GTF2F2: variants seen among roughly 807,000 people sequenced by gnomAD.
The protein encoded by GTF2F2 is general transcription factor IIF subunit 2, also known as ATP-dependent helicase GTF2F2.
In GTF2F2, 23 loss-of-function variants were observed where a neutral mutation model predicts 42.2. That is an observed-to-expected ratio of 0.55 (90% CI 0.39 to 0.77). The LOEUF is 0.77. Among genes scored for constraint, GTF2F2 ranks in the 30% least tolerant of loss-of-function variants. The pLI, the probability that GTF2F2 is intolerant of heterozygous loss-of-function variation, is 0.00. For synonymous variants in GTF2F2, 105 were observed against 100.8 expected, an observed-to-expected ratio of 1.04 and a Z score of -0.25; for missense variants, 261 against 287.2, an observed-to-expected ratio of 0.91 and a Z score of 0.66.
chr13:45,181,863 C>T (rs559762974), intron 4 of GTF2F2, among the ~76,000 whole-genome samples: 32 of 152,170 alleles, frequency 2.1e-4, no homozygotes, highest in African/African-American at 6.8e-4. Context: ...AAAAAGCTAG[C>T]GGTAGCTTTT....
chr13:45,182,175 C>G (rs1352129766), intron 4 of GTF2F2, among the ~76,000 whole-genome samples: 1 of 152,062 alleles, frequency 6.6e-6, no homozygotes, highest in Non-Finnish European at 1.5e-5. Flanking sequence ...TTTGTTGAGA[C>G]AGTCTCGCTC....
chr13:45,162,375 C>T (rs1255516997), intron 4 of GTF2F2, among the ~76,000 whole-genome samples: 1 of 152,194 alleles, frequency 6.6e-6, no homozygotes, highest in Non-Finnish European at 1.5e-5. Context: ...CTTTGAGTAA[C>T]AGCCTTGCCA....
chr13:45,154,697 A>C (rs1206016941), intron 4 of GTF2F2, among the ~76,000 whole-genome samples: 1 of 152,200 alleles, frequency 6.6e-6, no homozygotes, highest in African/African-American at 2.4e-5. Context: ...TATAAATATG[A>C]ATACATTTAA....
chr13:45,281,787 A>G (rs939044407), intron 7 of GTF2F2, among the ~76,000 whole-genome samples: 1 of 152,256 alleles, frequency 6.6e-6, no homozygotes, highest in African/African-American at 2.4e-5. Flanking sequence ...AAGAAAAATT[A>G]CATCTTCCAT....
intron 4 of GTF2F2, among the ~76,000 whole-genome samples, chr13:45,172,159 C>A (rs147109882): frequency 3.3e-5 from 5 of 152,214 alleles, no homozygotes; most frequent in African/African-American, 7.2e-5. Flanking sequence ...TTCACCACAT[C>A]CCCACCAACA....
At chr13:45,160,541 T>A (rs1047008112) in intron 4 of GTF2F2, among the ~76,000 whole-genome samples, 2 of 152,216 alleles carry the variant, frequency 1.3e-5, no homozygotes, top group African/African-American at 4.8e-5. Flanking sequence ...ACATCCATCA[T>A]CTGGAGACTA....
intron 4 of GTF2F2, among the ~76,000 whole-genome samples, chr13:45,158,754 G>A (rs1870890154): frequency 6.6e-6 from 1 of 152,192 alleles, no homozygotes; most frequent in Non-Finnish European, 1.5e-5. Context: ...TATCTCCACG[G>A]TGCCTAGTAT....
chr13:45,212,444 C>CTTTCTTTCTTTTCTTTTCT (rs1232825230), intron 5 of GTF2F2, among the ~76,000 whole-genome samples: 2 of 72,570 alleles, frequency 2.8e-5, no homozygotes, highest in Non-Finnish European at 5.4e-5. Context: ...TTCTTTCTTT[C>CTTTCTTTCTTTTCTTTTCT]TTGTTTCTTT....
At chr13:45,258,785 A>G (rs545123844) in intron 6 of GTF2F2, among the ~76,000 whole-genome samples, 2 of 152,332 alleles carry the variant, frequency 1.3e-5, no homozygotes, top group African/African-American at 4.8e-5. Context: ...TTATAAATAC[A>G]GTAGTACGTT....
chr13:45,242,256 CT>C (rs71184405), intron 5 of GTF2F2, among the ~76,000 whole-genome samples: 1,557 of 105,686 alleles, frequency 0.015, 24 homozygotes, highest in African/African-American at 0.04. Flanking sequence ...GCTGGCACTT[CT>C]TTTTTTTTTT....
At chr13:45,206,667 G>C (rs1394695149) in intron 4 of GTF2F2, 1 of 152,180 alleles carries the variant, frequency 6.6e-6, no homozygotes, top group Admixed American at 6.5e-5. Context: ...GGTCTGTCAA[G>C]TGACCACACC....
chr13:45,159,170 A>G (rs1297765735), intron 4 of GTF2F2, among the ~76,000 whole-genome samples: 2 of 152,232 alleles, frequency 1.3e-5, no homozygotes, highest in Admixed American at 1.3e-4. Flanking sequence ...CACTGATGGT[A>G]GGTATTTACT....
chr13:45,280,314 CAG>C (rs2138279954), intron 7 of GTF2F2, among the ~76,000 whole-genome samples: 1 of 152,308 alleles, frequency 6.6e-6, no homozygotes, highest in East Asian at 1.9e-4. Flanking sequence ...ATATTTTAGA[CAG>C]AGGAAGGACA....
At chr13:45,207,587 G>A in intron 5 of GTF2F2, 82 bp downstream of exon 5, 2 of 817,780 alleles carry the variant, frequency 2.4e-6, no homozygotes, top group South Asian at 3.0e-5. Flanking sequence ...CCTATTGACT[G>A]CATTAAAACT....
intron 1 of GTF2F2, among the ~76,000 whole-genome samples, chr13:45,134,477 T>C (rs1869514778): frequency 6.6e-6 from 1 of 152,146 alleles, no homozygotes; most frequent in South Asian, 2.1e-4. Flanking sequence ...ATTTGAGCCC[T>C]TAATGAAGCC....
chr13:45,257,981 G>A (rs1876173253), intron 6 of GTF2F2, among the ~76,000 whole-genome samples: 1 of 152,088 alleles, frequency 6.6e-6, no homozygotes, highest in Non-Finnish European at 1.5e-5. Flanking sequence ...CAGAGAAACT[G>A]TCAATTAGAG....
chr13:45,248,464 T>C (rs925619573), intron 5 of GTF2F2, among the ~76,000 whole-genome samples: 4 of 151,948 alleles, frequency 2.6e-5, no homozygotes, highest in Admixed American at 6.6e-5. Flanking sequence ...GTGTGTTTTG[T>C]TTTTTTGGTT....
intron 5 of GTF2F2, among the ~76,000 whole-genome samples, chr13:45,241,425 T>C (rs1157702739): frequency 6.6e-6 from 1 of 152,146 alleles, no homozygotes; most frequent in Non-Finnish European, 1.5e-5. Flanking sequence ...CACCATCCAA[T>C]AGATTTTCTG....
chr13:45,193,907 C>A, intron 4 of GTF2F2: 1 of 1,614,140 alleles, frequency 6.2e-7, no homozygotes, highest in Non-Finnish European at 8.5e-7. Context: ...TTAAGAGTTT[C>A]CAAGGTACAG....
Sources: gnomAD v4.1 joint callset for allele counts (sites outside exome capture counted in the v4.1 genomes callset) on GRCh38, gnomAD v4.1.1 for gene constraint, MANE v1.5 for transcripts, NCBI Gene and HGNC (gene_info 2026-07-23, HGNC 2026-07-21) for gene names.